Variants in COL25A1 observed in about 807,000 individuals in gnomAD.
The protein encoded by COL25A1 is collagen type XXV alpha 1 chain.
In COL25A1, 103 loss-of-function variants were observed where a neutral mutation model predicts 128.4. The ratio of observed to expected loss-of-function variants is 0.80; its 90% CI spans 0.68 to 0.94. COL25A1 has a LOEUF of 0.94. COL25A1 is among the 40% of genes least tolerant of loss of function. COL25A1 has a pLI of 0.00. For missense variants in COL25A1, 745 were observed against 840.0 expected (o/e 0.89, Z 1.40); for synonymous variants, 279 against 277.2 (o/e 1.01, Z -0.06).
chr4:109,053,874 T>C (rs1399229575), intron 3 of COL25A1, among the ~76,000 whole-genome samples: 1 of 152,212 alleles, frequency 6.6e-6, no homozygotes, highest in Non-Finnish European at 1.5e-5. Flanking sequence ...GGTCTGCTTT[T>C]GGAGAGCAGG....
chr4:109,030,205 A>G (rs1441239512), intron 5 of COL25A1, among the ~76,000 whole-genome samples: 2 of 152,170 alleles, frequency 1.3e-5, no homozygotes, highest in African/African-American at 4.8e-5. Flanking sequence ...GAAGTCAACA[A>G]GATAGGCTAT....
intron 3 of COL25A1, among the ~76,000 whole-genome samples, chr4:109,161,526 C>A (rs1408042290): frequency 2.6e-5 from 4 of 151,808 alleles, no homozygotes; most frequent in Non-Finnish European, 5.9e-5. Context: ...TTTCTGAACC[C>A]CTGAAGATGA....
intron 18 of COL25A1, among the ~76,000 whole-genome samples, chr4:108,887,958 A>G (rs1242552258): frequency 1.3e-5 from 2 of 152,160 alleles, no homozygotes; most frequent in Non-Finnish European, 2.9e-5. Context: ...GCTTTTTCAA[A>G]CCAAAGCAGA....
At chr4:108,939,842 T>C (rs570406048) in intron 10 of COL25A1, among the ~76,000 whole-genome samples, 2 of 152,334 alleles carry the variant, frequency 1.3e-5, no homozygotes, top group South Asian at 4.1e-4. Context: ...TCAAACCATT[T>C]ATCTTCTGCC....
At chr4:108,936,539 C>T (rs1472985056) in intron 11 of COL25A1, among the ~76,000 whole-genome samples, 4 of 152,034 alleles carry the variant, frequency 2.6e-5, no homozygotes, top group African/African-American at 4.8e-5. Flanking sequence ...TGCACTCCAG[C>T]CTGGGTGACA....
At chr4:109,104,745 C>T (rs565763331) in intron 3 of COL25A1, among the ~76,000 whole-genome samples, 7 of 152,106 alleles carry the variant, frequency 4.6e-5, no homozygotes, top group Admixed American at 1.3e-4. Context: ...AGAGAGGCAA[C>T]CTATAAATTA....
At chr4:108,869,866 T>C (rs528828682) in intron 19 of COL25A1, among the ~76,000 whole-genome samples, 44 of 152,290 alleles carry the variant, frequency 2.9e-4, no homozygotes, top group Non-Finnish European at 4.4e-4. Context: ...TAAAATATAT[T>C]TGATTTCTTT....
intron 3 of COL25A1, among the ~76,000 whole-genome samples, chr4:109,162,251 C>T (rs961868832): frequency 1.3e-5 from 2 of 152,098 alleles, no homozygotes; most frequent in African/African-American, 4.8e-5. Flanking sequence ...AGGCATAGGG[C>T]ATTTTTGGTA....
At chr4:109,278,076 A>C (rs1723019051) in intron 3 of COL25A1, among the ~76,000 whole-genome samples, 1 of 151,640 alleles carries the variant, frequency 6.6e-6, no homozygotes, top group Non-Finnish European at 1.5e-5. Context: ...CGGAGGTTGC[A>C]GCGAGCCGAG....
intron 4 of COL25A1, among the ~76,000 whole-genome samples, 175 bp downstream of exon 4, chr4:109,049,960 A>G (rs1760830155): frequency 6.6e-6 from 1 of 152,238 alleles, no homozygotes; most frequent in Admixed American, 6.5e-5. Flanking sequence ...TTTAATAGAA[A>G]TAAGGAGAAG....
At chr4:108,822,226 T>A (rs1274909483) in intron 35 of COL25A1, among the ~76,000 whole-genome samples, 2 of 151,510 alleles carry the variant, frequency 1.3e-5, no homozygotes, top group East Asian at 3.9e-4. Flanking sequence ...GTATTTTTAG[T>A]AGAGATGGGG....
rs192075350 is a variant in COL25A1, at chr4:109,122,314, T to C, written c.368-72135A>G. On this transcript the variant is annotated intron_variant, in intron 3 of 37. Coordinates refer to ENST00000399132, the MANE Select transcript of COL25A1 (RefSeq NM_198721.4). ...TGTGTCAGAGTCAGCTTATTGATTG[T>C]AATGAAGGTACCACTATGGCATGGG... Among the ~76,000 whole-genome samples, 39 of 152,132 alleles carry C rather than the reference T, an allele frequency of 2.6e-4. No homozygotes were observed. The East Asian group carries it at 7.0e-3, about 27-fold the overall frequency.
rs564834752 is a variant in COL25A1 at position 109,093,457 on chromosome 4, G to GAAAAA, written c.368-43283_368-43279dup. Among the ~76,000 whole-genome samples the GAAAAA allele has an allele frequency of 5.8e-3, 401 of 69,410 alleles. 1 individual carries two copies. The highest frequency in any genetic ancestry group is 7.9e-3 in the Non-Finnish European group (300 of 38,066). The allele number at this position is 69,410 out of a possible 152,430, so 45.5% of individuals were successfully genotyped here. A position where few individuals can be genotyped will look rare whatever the true frequency, so the allele number is the denominator to read the frequency against. ...CAATACAGCAAGACTCCATCTCTAT[G>GAAAAA]AAAAAAAAAAAAAAAAAAACCTTTT... On this transcript the variant is annotated intron_variant, in intron 3 of 37. Transcript: ENST00000399132.
intron 34 of COL25A1, among the ~76,000 whole-genome samples, chr4:108,824,659 A>T (rs983251934): frequency 4.6e-5 from 7 of 152,218 alleles, no homozygotes; most frequent in African/African-American, 1.7e-4. Context: ...AGGTGCTCAT[A>T]AACAGTAACT....
chr4:109,128,887 T>C (rs1440805430), intron 3 of COL25A1, among the ~76,000 whole-genome samples: 5 of 152,230 alleles, frequency 3.3e-5, no homozygotes. Flanking sequence ...ACTCAAGCTA[T>C]GGTATGAAGC....
intron 3 of COL25A1, among the ~76,000 whole-genome samples, chr4:109,162,047 C>T (rs1388857007): frequency 6.6e-6 from 1 of 152,028 alleles, no homozygotes; most frequent in Non-Finnish European, 1.5e-5. Context: ...AATGTAGTAT[C>T]AAGAACATAG....
intron 8 of COL25A1, chr4:108,942,119 A>C: frequency 7.5e-7 from 1 of 1,338,554 alleles, no homozygotes; most frequent in Non-Finnish European, 1.0e-6. Context: ...AGAGGAAGCC[A>C]ACGGGCTCGG....
chr4:109,079,519 G>T (rs1991219), intron 3 of COL25A1, among the ~76,000 whole-genome samples: 35,411 of 151,962 alleles, frequency 0.23, 5,351 homozygotes, highest in African/African-American at 0.41. Context: ...CCCTTATCCA[G>T]GTGAGGATTT....
intron 10 of COL25A1, 61 bp from the exon 11 acceptor site, chr4:108,937,904 A>G: frequency 4.3e-6 from 6 of 1,395,304 alleles, no homozygotes; most frequent in Non-Finnish European, 5.0e-6. Context: ...AAACCCTTCA[A>G]TCATTTTTTC....
Sources: gnomAD v4.1 joint callset for allele counts (sites outside exome capture counted in the v4.1 genomes callset) on GRCh38, gnomAD v4.1.1 for gene constraint, MANE v1.5 for transcripts, NCBI Gene and HGNC (gene_info 2026-07-23, HGNC 2026-07-21) for gene names.